AGBL1: variants seen among roughly 807,000 people sequenced by gnomAD.
AGBL1 encodes the protein cytosolic carboxypeptidase 4.
Under a neutral mutation model 118.9 loss-of-function variants are expected in AGBL1, and 130 were observed. The ratio of observed to expected loss-of-function variants is 1.09; its 90% CI spans 0.95 to 1.26. AGBL1 has a LOEUF of 1.26. AGBL1 is among the 50% of genes most tolerant of loss of function. AGBL1 has a pLI of 0.00. For synonymous variants in AGBL1, 555 were observed against 478.9 expected (o/e 1.16, Z -2.08); for missense variants, 1,584 against 1,298.1 (o/e 1.22, Z -3.38).
chr15:86,991,628 G>C (rs1280131650), intron 24 of AGBL1, among the ~76,000 whole-genome samples: 1 of 152,116 alleles, frequency 6.6e-6, no homozygotes, highest in Admixed American at 6.5e-5. Flanking sequence ...GGGCTCTGAG[G>C]AGGAACTAGG....
chr15:86,530,192 G>T (rs1309557481), intron 19 of AGBL1, among the ~76,000 whole-genome samples: 4 of 141,750 alleles, frequency 2.8e-5, no homozygotes, highest in African/African-American at 1.2e-4. Context: ...AGACCCATCA[G>T]TGTGGTGTAT....
intron 13 of AGBL1, 96 bp from the exon 14 acceptor site, chr15:86,269,823 C>T: frequency 7.2e-7 from 1 of 1,396,142 alleles, no homozygotes. Context: ...GGTCTTAGAT[C>T]TGTAACCCAG....
rs1046346687 is a variant in AGBL1 at position 86,094,803 on chromosome 15, C to A, written c.51+14780C>A. Among the ~76,000 whole-genome samples, 58 of 152,190 alleles carry A rather than the reference C, an allele frequency of 3.8e-4. 1 individual carries two copies. The highest frequency in any genetic ancestry group is 1.4e-3 in the African/African-American group (56 of 41,452). On this transcript the variant is annotated intron_variant, in intron 1 of 22. Coordinates refer to ENST00000614907, the MANE Select transcript of AGBL1 (RefSeq NM_001386094.1). ...ATGTGTGAGGTGGTTCCCACACCAA[C>A]AACCAACTCTTCAACTTTCTGGATG...
At chr15:86,843,449 A>C (rs567107554) in intron 22 of AGBL1, among the ~76,000 whole-genome samples, 1 of 152,294 alleles carries the variant, frequency 6.6e-6, no homozygotes, top group Non-Finnish European at 1.5e-5. Context: ...GGATTTTAAC[A>C]TAACCTTTGG....
intron 24 of AGBL1, among the ~76,000 whole-genome samples, chr15:87,019,102 A>G (rs2081636375): frequency 6.6e-6 from 1 of 152,194 alleles, no homozygotes; most frequent in Non-Finnish European, 1.5e-5. Flanking sequence ...TCAATACATG[A>G]GCACCCAAGT....
intron 22 of AGBL1, among the ~76,000 whole-genome samples, chr15:86,817,463 T>TACACACACACACAC (rs143498374): frequency 3.5e-4 from 47 of 133,488 alleles, no homozygotes; most frequent in African/African-American, 1.3e-3. Flanking sequence ...CTCTGAGAGA[T>TACACACACACACAC]ACACACACAC....
Position 86,079,924 on chromosome 15 carries a change from C to T in AGBL1, c.-49C>T. 4.1e-6 allele frequency: 5 copies of T among 1,223,042 alleles called. No homozygotes were observed. The highest frequency in any genetic ancestry group is 5.1e-6 in the Non-Finnish European group (5 of 979,486). 75.8% of individuals were successfully genotyped at this position (1,223,042 alleles called of 1,614,324 possible). ...GTCAGCTTGGCAGCCGCTGCCTCTC[C>T]AGCCTGGATCTGGCCGCAGGCAGCG... On this transcript the variant is annotated 5_prime_UTR_variant, in exon 1 of 23. Coordinates refer to ENST00000614907, the MANE Select transcript of AGBL1 (RefSeq NM_001386094.1).
At chr15:86,635,956 C>T (rs746131221) in intron 21 of AGBL1, among the ~76,000 whole-genome samples, 12 of 152,090 alleles carry the variant, frequency 7.9e-5, no homozygotes, top group South Asian at 2.1e-4. Context: ...TTATTAGAAG[C>T]TCTAATGGTG....
At chr15:86,182,096 A>G (rs2077560654) in intron 5 of AGBL1, among the ~76,000 whole-genome samples, 1 of 152,060 alleles carries the variant, frequency 6.6e-6, no homozygotes, top group Non-Finnish European at 1.5e-5. Flanking sequence ...TAGCAAATGC[A>G]CAAAGCAAGA....
In AGBL1 at chr15:86,778,130, G is replaced by A. The variant is rs923462540; in HGVS notation, c.3158+103694G>A. On this transcript the variant is annotated intron_variant, in intron 22 of 22. Transcript: ENST00000614907. Reference sequence around the variant, plus strand: ...TGATGGCCCCTGAGCCGTAAAACCAGCAAGTTTTTATTAGTGATTTTCAAA... The same window carrying A: ...TGATGGCCCCTGAGCCGTAAAACCAACAAGTTTTTATTAGTGATTTTCAAA... Among the ~76,000 whole-genome samples the A allele has an allele frequency of 9.1e-4, 138 of 152,182 alleles. 1 individual carries two copies. Among genetic ancestry groups the A allele is most frequent in the African/African-American group, 3.3e-3 (135 of 41,518 alleles).
At chr15:86,386,776 C>G (rs942445992) in intron 17 of AGBL1, among the ~76,000 whole-genome samples, 20 of 152,140 alleles carry the variant, frequency 1.3e-4, no homozygotes, top group African/African-American at 4.8e-4. Context: ...ATGTTATTGT[C>G]TCCCTTCTCC....
At chr15:86,673,889 A>G (rs2085789513) in intron 21 of AGBL1, among the ~76,000 whole-genome samples, 1 of 152,154 alleles carries the variant, frequency 6.6e-6, no homozygotes, top group African/African-American at 2.4e-5. Flanking sequence ...TCTCTTAGTA[A>G]GATTCTTTAT....
intron 5 of AGBL1, among the ~76,000 whole-genome samples, chr15:86,182,324 G>T (rs958527598): frequency 2.0e-5 from 3 of 151,312 alleles, no homozygotes; most frequent in Non-Finnish European, 4.4e-5. Context: ...GTCATCTTAG[G>T]TTTTTTGCAT....
At chr15:86,977,532 G>C (rs2081187713) in intron 23 of AGBL1, among the ~76,000 whole-genome samples, 1 of 151,378 alleles carries the variant, frequency 6.6e-6, no homozygotes, top group South Asian at 2.1e-4. Flanking sequence ...AAAAAAAGCT[G>C]TTTATTTTCC....
At chr15:86,388,914 A>G (rs1481983217) in intron 17 of AGBL1, among the ~76,000 whole-genome samples, 1 of 152,218 alleles carries the variant, frequency 6.6e-6, no homozygotes, top group Non-Finnish European at 1.5e-5. Flanking sequence ...TTTACATACA[A>G]TCCCACACAT....
chr15:86,283,178 G>A (rs1434166572), intron 16 of AGBL1, among the ~76,000 whole-genome samples: 1 of 152,120 alleles, frequency 6.6e-6, no homozygotes, highest in African/African-American at 2.4e-5. Flanking sequence ...TTGTTAAAGT[G>A]TTAGCAATAA....
At chr15:86,413,023 T>A (rs1255270117) in intron 18 of AGBL1, among the ~76,000 whole-genome samples, 1 of 152,174 alleles carries the variant, frequency 6.6e-6, no homozygotes, top group Non-Finnish European at 1.5e-5. Flanking sequence ...AAAAAGAATA[T>A]TCAATTCAGT....
At chr15:86,857,169 C>G (rs1250638450) in intron 22 of AGBL1, among the ~76,000 whole-genome samples, 3 of 152,178 alleles carry the variant, frequency 2.0e-5, no homozygotes, top group African/African-American at 7.2e-5. Context: ...GCTGTCCAGG[C>G]CACCATTATC....
At chr15:86,210,104 G>T (rs562335587) in intron 5 of AGBL1, among the ~76,000 whole-genome samples, 71 of 152,284 alleles carry the variant, frequency 4.7e-4, no homozygotes, top group Non-Finnish European at 8.4e-4. Flanking sequence ...GAAATTCTGG[G>T]TTGAAAATTC....
Sources: gnomAD v4.1 joint callset for allele counts (sites outside exome capture counted in the v4.1 genomes callset) on GRCh38, gnomAD v4.1.1 for gene constraint, MANE v1.5 for transcripts, NCBI Gene and HGNC (gene_info 2026-07-23, HGNC 2026-07-21) for gene names.